Variants in MPP7 observed in about 807,000 individuals in gnomAD.
The protein encoded by MPP7 is MAGUK p55 scaffold protein 7.
A neutral mutation model predicts 76.5 loss-of-function variants in MPP7; 60 were observed. That is an observed-to-expected ratio of 0.78 (90% CI 0.64 to 0.97). The LOEUF (loss-of-function observed/expected upper bound fraction) is 0.97, where lower values mean the gene tolerates loss of function less well. Among genes scored for constraint, MPP7 ranks in the 50% least tolerant of loss-of-function variants. The pLI, the probability that MPP7 is intolerant of heterozygous loss-of-function variation, is 0.00. For synonymous variants in MPP7, 237 were observed against 244.5 expected, an observed-to-expected ratio of 0.97 and a Z score of 0.29; for missense variants, 641 against 694.0, an observed-to-expected ratio of 0.92 and a Z score of 0.86.
chr10:28,077,477 C>A (rs1325649705), intron 12 of MPP7, among the ~76,000 whole-genome samples: 1 of 152,202 alleles, frequency 6.6e-6, no homozygotes, highest in Admixed American at 6.5e-5. Context: ...GCCATCCCCA[C>A]TGGAGAAGTT....
At chr10:28,136,262 T>C (rs1348685198) in intron 5 of MPP7, among the ~76,000 whole-genome samples, 1 of 152,028 alleles carries the variant, frequency 6.6e-6, no homozygotes, top group African/African-American at 2.4e-5. Context: ...TACACTTGAA[T>C]CACACTGAAA....
chr10:28,095,222 TAC>T (rs1554834984), intron 11 of MPP7, among the ~76,000 whole-genome samples: 1 of 136,656 alleles, frequency 7.3e-6, no homozygotes, highest in Non-Finnish European at 1.6e-5. Flanking sequence ...TATATATATA[TAC>T]AGAAACATAT....
intron 15 of MPP7, chr10:28,057,709 G>A (rs1385848097): frequency 7.8e-7 from 1 of 1,283,624 alleles, no homozygotes; most frequent in Admixed American, 2.3e-5. Context: ...AAGTCAGGAG[G>A]CAGCCTTCCT....
At chr10:28,262,244 C>T (rs12253849) in intron 1 of MPP7, among the ~76,000 whole-genome samples, 411 of 36,182 alleles carry the variant, frequency 0.011, 21 homozygotes, top group South Asian at 0.025. Flanking sequence ...TATATATATA[C>T]ATATATATAT....
upstream of MPP7, among the ~76,000 whole-genome samples, chr10:28,306,496 A>G (rs781600106): frequency 2.6e-5 from 4 of 152,030 alleles, no homozygotes; most frequent in Non-Finnish European, 4.4e-5. Context: ...AAAAATTTAA[A>G]AATTAGCCAG....
chr10:28,142,607 T>A (rs543501958), intron 5 of MPP7, among the ~76,000 whole-genome samples: 78 of 152,258 alleles, frequency 5.1e-4, no homozygotes, highest in African/African-American at 1.6e-3. Flanking sequence ...GGCGTGCACC[T>A]GTAGTCCCAG....
Position 28,303,014 on chromosome 10 carries a change from A to T in MPP7, c.-285T>A, listed in dbSNP as rs931143990. On this transcript the variant is annotated 5_prime_UTR_variant, in exon 1 of 17. Transcript: ENST00000683449. ...CACCGCCGCGGCGGGCGCAGAACGC[A>T]CGAGCCCAGTGGGAGCCCGGCCCCC... Among the ~76,000 whole-genome samples, 2 of 149,878 alleles carry T rather than the reference A, an allele frequency of 1.3e-5. No individual in the cohort carries two copies. Among genetic ancestry groups the T allele is most frequent in the Non-Finnish European group, 3.0e-5 (2 of 66,868 alleles).
intron 3 of MPP7, among the ~76,000 whole-genome samples, chr10:28,159,787 T>C (rs145879513): frequency 1.7e-3 from 262 of 152,322 alleles, no homozygotes; most frequent in Non-Finnish European, 2.7e-3. Context: ...TTACAATCCT[T>C]GTTTTCTCTT....
chr10:28,300,586 A>T (rs981789163), intron 1 of MPP7, among the ~76,000 whole-genome samples: 49 of 152,230 alleles, frequency 3.2e-4, no homozygotes, highest in Non-Finnish European at 6.0e-4. Context: ...TATATGTTAC[A>T]TGAATATGTT....
At chr10:28,238,474 A>T in intron 2 of MPP7, 94 bp downstream of exon 2, 3 of 1,322,768 alleles carry the variant, frequency 2.3e-6, no homozygotes, top group Non-Finnish European at 3.2e-6. Context: ...AACAAGCATG[A>T]TCTGCCTGCA....
intron 2 of MPP7, among the ~76,000 whole-genome samples, chr10:28,229,561 T>A (rs987087073): frequency 1.3e-5 from 2 of 152,124 alleles, no homozygotes; most frequent in Non-Finnish European, 2.9e-5. Flanking sequence ...AATGGTAATA[T>A]GTGAGGAACT....
chr10:28,307,956 G>A (rs188591128), upstream of MPP7, among the ~76,000 whole-genome samples: 1 of 152,280 alleles, frequency 6.6e-6, no homozygotes, highest in East Asian at 1.9e-4. Context: ...TCCTTCTTGG[G>A]TCTTTTCTTG....
At chr10:28,102,274 T>C (rs1193098464) in intron 11 of MPP7, among the ~76,000 whole-genome samples, 5 of 152,098 alleles carry the variant, frequency 3.3e-5, no homozygotes, top group South Asian at 2.1e-4. Flanking sequence ...TCCGGAGTAG[T>C]TGGGATTACA....
At chr10:28,276,537 T>G (rs1840503059) in intron 1 of MPP7, among the ~76,000 whole-genome samples, 1 of 152,004 alleles carries the variant, frequency 6.6e-6, no homozygotes, top group Non-Finnish European at 1.5e-5. Context: ...AACAGAACAC[T>G]ATATCACTGT....
In MPP7 at chr10:28,051,206, A is replaced by G. The variant is rs987702609; in HGVS notation, c.*2859T>C. 14 of 152,344 alleles carry G rather than the reference A, an allele frequency of 9.2e-5. No homozygotes were observed. Among genetic ancestry groups the G allele is most frequent in the Admixed American group, 5.2e-4 (8 of 15,302 alleles). The allele number at this position is 152,344 out of a possible 1,614,324, so 9.4% of individuals were successfully genotyped here. A position where few individuals can be genotyped will look rare whatever the true frequency, so the allele number is the denominator to read the frequency against. ...TGAAGGTACTTTATTAAGATCAAAG[A>G]TTTTTCATTACATTTATTTATAAAT... is the stretch of plus-strand genomic sequence containing the variant. On this transcript the variant is annotated 3_prime_UTR_variant, in exon 17 of 17. Transcript: ENST00000683449.
Position 28,269,344 on chromosome 10 carries a change from C to A in MPP7, c.-131-30609G>T, listed in dbSNP as rs548097302. On this transcript the variant is annotated intron_variant, in intron 1 of 16. Transcript: ENST00000683449. ...AACTGAGGTCGATTTTAACTCAATT[C>A]TCTTCTAATCTAGTCCAACCTTGCA... is the stretch of plus-strand genomic sequence containing the variant. Among the ~76,000 whole-genome samples the A allele has an allele frequency of 1.2e-4, 19 of 152,232 alleles. No individual in the cohort carries two copies. The South Asian group carries it at 2.7e-3, about 22-fold the overall frequency.
At chr10:28,197,295 G>A (rs1214558402) in intron 3 of MPP7, among the ~76,000 whole-genome samples, 1 of 149,746 alleles carries the variant, frequency 6.7e-6, no homozygotes, top group Non-Finnish European at 1.5e-5. Context: ...CAATTCTCAT[G>A]CCTCAGCCTC....
upstream of MPP7, among the ~76,000 whole-genome samples, chr10:28,306,564 C>G (rs1444273411): frequency 6.6e-6 from 1 of 152,010 alleles, no homozygotes; most frequent in Admixed American, 6.6e-5. Flanking sequence ...GGGAGGATTG[C>G]TTGAGGCCAG....
intron 3 of MPP7, among the ~76,000 whole-genome samples, chr10:28,183,881 C>A (rs943488392): frequency 3.9e-5 from 6 of 152,050 alleles, no homozygotes; most frequent in Non-Finnish European, 7.4e-5. Context: ...CAAATCCTGG[C>A]GTATAGCATG....
Sources: allele counts gnomAD v4.1 joint callset (sites outside exome capture counted in the v4.1 genomes callset), GRCh38; gene constraint gnomAD v4.1.1; transcripts MANE v1.5; gene names NCBI Gene and HGNC (gene_info 2026-07-23, HGNC 2026-07-21).